The following MGST2 variants were observed in gnomAD, a reference collection of about 807,000 sequenced individuals.
MGST2 encodes glutathione peroxidase MGST2.
MGST2 carries 9 observed loss-of-function variants against 16.6 expected under a neutral mutation model. The ratio of observed to expected loss-of-function variants is 0.54; its 90% CI spans 0.33 to 0.95. MGST2 has a LOEUF of 0.95. Ranked by LOEUF, MGST2 falls within the 40% of genes least tolerant of loss-of-function variation. The pLI is 0.03. For missense variants in MGST2, 159 were observed against 175.1 expected (o/e 0.91, Z 0.52); for synonymous variants, 79 against 68.0 (o/e 1.16, Z -0.79).
chr4:139,678,753 G>A (rs1190839418), intron 2 of MGST2, 111 bp downstream of exon 2: 2 of 843,986 alleles, frequency 2.4e-6, no homozygotes, highest in African/African-American at 3.4e-5. Context: ...GCAATATCTA[G>A]TTATAACAAG....
At chr4:139,683,919 G>GTTTTTTTT (rs34222679) in intron 2 of MGST2, among the ~76,000 whole-genome samples, 47 of 92,402 alleles carry the variant, frequency 5.1e-4, no homozygotes, top group Non-Finnish European at 6.8e-4. Flanking sequence ...TCAGTTTTGT[G>GTTTTTTTT]TTTTTTTTTT....
intron 5 of MGST2, among the ~76,000 whole-genome samples, chr4:139,721,582 G>A (rs1029956549): frequency 1.3e-5 from 2 of 152,090 alleles, no homozygotes; most frequent in Non-Finnish European, 2.9e-5. Flanking sequence ...TGTGGCTATT[G>A]ATTTCTGGGC....
At chr4:139,753,684 G>A in the MGST2 span, among the ~76,000 whole-genome samples, 1 of 152,186 alleles carries the variant, frequency 6.6e-6, no homozygotes, top group East Asian at 1.9e-4. Flanking sequence ...GAATTAATAA[G>A]TTTACAAGGC....
At chr4:139,747,867 G>A in the MGST2 span, among the ~76,000 whole-genome samples, 6 of 150,924 alleles carry the variant, frequency 4.0e-5, no homozygotes, top group Admixed American at 4.0e-4. Context: ...AAGCCTGATC[G>A]ATACAGTGAA....
In MGST2 at chr4:139,669,646, G is replaced by T. The variant is rs142649089; in HGVS notation, c.58+3569G>T. Among the ~76,000 whole-genome samples, 41 of 152,352 alleles carry T rather than the reference G, an allele frequency of 2.7e-4. No homozygotes were observed. In the East Asian group the frequency reaches 7.3e-3, roughly 27 times the overall value. ...GGTGAAGGTACCCAGCTGTGGCTGG[G>T]TGGGCATCACAGGGGGTAAGGGGCA... On this transcript the variant is annotated intron_variant, in intron 1 of 4. Coordinates refer to ENST00000265498, the MANE Select transcript of MGST2 (RefSeq NM_002413.5).
At chr4:139,703,570 A>G (rs746870772) in intron 4 of MGST2, 34 bp downstream of exon 4, 5 of 1,585,414 alleles carry the variant, frequency 3.2e-6, no homozygotes, top group South Asian at 1.1e-5. Context: ...TATTTATGCA[A>G]AAAGTAGCAG....
At chr4:139,749,266 C>T in the MGST2 span, among the ~76,000 whole-genome samples, 1 of 152,108 alleles carries the variant, frequency 6.6e-6, no homozygotes, top group Admixed American at 6.5e-5. Context: ...TTTGCATTAA[C>T]ACAGATTTCA....
chr4:139,709,105 T>G (rs1359387936), downstream of MGST2, among the ~76,000 whole-genome samples: 7 of 109,484 alleles, frequency 6.4e-5, no homozygotes, highest in South Asian at 2.2e-3. Context: ...TTTTTTGAGA[T>G]GGAGTCTCAC....
intron 5 of MGST2, chr4:139,730,430 TCTGCTGCTGCTG>T (rs3051167): frequency 1.5e-4 from 223 of 1,456,304 alleles, no homozygotes; most frequent in Non-Finnish European, 2.0e-4. Flanking sequence ...TCCGCCAAAA[TCTGCTGCTGCTG>T]CTGCTGCTGC....
Position 139,715,208 on chromosome 4 carries a change from C to A in MGST2, c.*48+11012C>A, listed in dbSNP as rs1221146396. On this transcript the variant is annotated intron_variant, in intron 5 of 5. Coordinates refer to the MGST2 transcript ENST00000616265. This position sits in a 1 kb window ranked among gnomAD's most constrained non-coding sequence, Gnocchi z 4.4. ...CACTAAGCTGGGCCTCTAACCCAAT[C>A]CCATTCTTTACCCAGGTACCCCACC... Among the ~76,000 whole-genome samples, 1 of 152,152 alleles carries A rather than the reference C, an allele frequency of 6.6e-6. No homozygotes were observed. The highest frequency in any genetic ancestry group is 1.5e-5 in the Non-Finnish European group (1 of 68,020).
chr4:139,678,448 G>C, intron 1 of MGST2, 95 bp from the exon 2 acceptor site: 5 of 854,298 alleles, frequency 5.9e-6, no homozygotes, highest in Non-Finnish European at 9.9e-6. Flanking sequence ...ATTGTAATAG[G>C]TATGTAGTAC....
At chr4:139,698,538 T>A in intron 3 of MGST2, 1 of 1,052,596 alleles carries the variant, frequency 9.5e-7, no homozygotes, top group Non-Finnish European at 1.5e-6. Flanking sequence ...GCGGGCAGTC[T>A]GCTTTGTACG....
the MGST2 span, among the ~76,000 whole-genome samples, chr4:139,748,524 C>T: frequency 0.16 from 23,804 of 151,974 alleles, 2,430 homozygotes; most frequent in East Asian, 0.29. Context: ...ATGAGTAAAA[C>T]TGAAGGAGCA....
intron 5 of MGST2, chr4:139,719,232 A>C: frequency 6.9e-7 from 1 of 1,453,050 alleles, no homozygotes; most frequent in Non-Finnish European, 9.1e-7. Flanking sequence ...TGGGTCAAAA[A>C]AACAAAAAAC....
chr4:139,706,578 T>C (rs1727527478), downstream of MGST2, among the ~76,000 whole-genome samples: 1 of 152,220 alleles, frequency 6.6e-6, no homozygotes, highest in South Asian at 2.1e-4. Context: ...CATAACCATG[T>C]CCTTTGCAAG....
intron 2 of MGST2, among the ~76,000 whole-genome samples, chr4:139,681,890 A>G (rs895374270): frequency 1.4e-4 from 22 of 152,300 alleles, no homozygotes; most frequent in Non-Finnish European, 7.4e-5. Context: ...AGCAGATGAT[A>G]TTATAAGAAA....
At chr4:139,705,921 A>G (rs1198388224), downstream of MGST2, among the ~76,000 whole-genome samples, 1 of 152,174 alleles carries the variant, frequency 6.6e-6, no homozygotes, top group South Asian at 2.1e-4. Context: ...GAACGATTCT[A>G]CCTCACAGCT....
the MGST2 span, among the ~76,000 whole-genome samples, chr4:139,750,607 G>T: frequency 6.6e-6 from 1 of 152,268 alleles, no homozygotes; most frequent in East Asian, 1.9e-4. Context: ...CTCCTCCATT[G>T]TTCACTCTGT....
chr4:139,674,776 G>A (rs1053033911), intron 1 of MGST2, among the ~76,000 whole-genome samples: 3 of 152,102 alleles, frequency 2.0e-5, no homozygotes, highest in African/African-American at 7.2e-5. Flanking sequence ...ATGAGACTCT[G>A]TCTCTTAAAA....
Sources: gnomAD v4.1 joint callset for allele counts (sites outside exome capture counted in the v4.1 genomes callset) on GRCh38, gnomAD v4.1.1 for gene constraint, Gnocchi (gnomAD v3.1) non-coding constraint, MANE v1.5 for transcripts, NCBI Gene and HGNC (gene_info 2026-07-23, HGNC 2026-07-21) for gene names.